The following ARHGAP39 variants were observed in gnomAD, a reference collection of about 807,000 sequenced individuals.
ARHGAP39 encodes the protein Rho GTPase activating protein 39.
ARHGAP39 carries 44 observed loss-of-function variants against 106.9 expected under a neutral mutation model. That is an observed-to-expected ratio of 0.41 (90% CI 0.32 to 0.53). ARHGAP39 has a LOEUF of 0.53. Among genes scored for constraint, ARHGAP39 ranks in the 20% least tolerant of loss-of-function variants. The pLI is 0.21. For synonymous variants in ARHGAP39, 768 were observed against 693.2 expected (o/e 1.11, Z -1.69); for missense variants, 1,496 against 1,577.3 (o/e 0.95, Z 0.87).
Position 144,580,758 on chromosome 8 carries a change from G to GGGGGGGGGGGCCCCCCCCCCC in ARHGAP39, c.512+87_512+88insGGGGGGGGGGGCCCCCCCCCC. 2 of 185,576 alleles carry GGGGGGGGGGGCCCCCCCCCCC rather than the reference G, an allele frequency of 1.1e-5. 1 individual carries two copies. The highest frequency in any genetic ancestry group is 2.1e-5 in the Non-Finnish European group (2 of 93,152). The allele number at this position is 185,576 out of a possible 1,614,324, so 11.5% of individuals were successfully genotyped here. ...CCTTCACCAGTCCCGCTCTCACCTGGCCCCGCCCACCACCCCCTACCTGCC... is the reference window on the plus strand; with the variant it reads ...CCTTCACCAGTCCCGCTCTCACCTGGGGGGGGGGGGCCCCCCCCCCCCCCCGCCCACCACCCCCTACCTGCC... On this transcript the variant is annotated intron_variant, in intron 3 of 11. Coordinates refer to ENST00000377307, the MANE Select transcript of ARHGAP39 (RefSeq NM_025251.3).
chr8:144,600,891 G>A (rs1819875722), intron 2 of ARHGAP39, among the ~76,000 whole-genome samples: 1 of 150,656 alleles, frequency 6.6e-6, no homozygotes, highest in East Asian at 2.0e-4. Context: ...TCGTGTACCT[G>A]TGCGTGTGCG....
At chr8:144,554,619 G>GT (rs1177478968) in intron 4 of ARHGAP39, among the ~76,000 whole-genome samples, 1 of 152,220 alleles carries the variant, frequency 6.6e-6, no homozygotes, top group African/African-American at 2.4e-5. Flanking sequence ...ATCTGCCACA[G>GT]TGGGGGTGGC....
the ARHGAP39 span, among the ~76,000 whole-genome samples, chr8:144,691,661 AG>A: frequency 6.6e-5 from 10 of 151,908 alleles, no homozygotes; most frequent in East Asian, 1.7e-3. Context: ...TGTTTTTTTT[AG>A]GGTTGTCTTG....
chr8:144,544,582 C>T (rs752452446), intron 6 of ARHGAP39, among the ~76,000 whole-genome samples: 7 of 152,248 alleles, frequency 4.6e-5, no homozygotes, highest in East Asian at 1.9e-4. Context: ...GCTGCAGACA[C>T]GGGGCTGTCT....
chr8:144,619,790 G>C (rs1454409554), intron 1 of ARHGAP39, among the ~76,000 whole-genome samples: 8 of 150,580 alleles, frequency 5.3e-5, no homozygotes, highest in Non-Finnish European at 1.2e-4. Flanking sequence ...GTGTCCGAGA[G>C]AGCGCGTGCC....
At position 144,540,404 on chromosome 8, in the gene ARHGAP39, C is replaced by T. The variant is rs181913536; in HGVS notation, c.2522-2591G>A. Among the ~76,000 whole-genome samples the T allele has an allele frequency of 4.3e-4, 65 of 152,218 alleles. 1 individual carries two copies. Among genetic ancestry groups the T allele is most frequent in the African/African-American group, 1.0e-3 (43 of 41,526 alleles). On this transcript the variant is annotated intron_variant, in intron 6 of 11. Transcript: ENST00000377307. ...GAGTCTCAGAATAAATAAATACATG[C>T]GACTGTACTCCACCCTGGAGACCCT... is the stretch of plus-strand genomic sequence containing the variant.
At chr8:144,566,576 C>T (rs36016794) in intron 3 of ARHGAP39, among the ~76,000 whole-genome samples, 10,450 of 152,100 alleles carry the variant, frequency 0.069, 1,175 homozygotes, top group African/African-American at 0.23. Context: ...ATGAAATTGG[C>T]TGGGTATGGT....
chr8:144,619,153 A>T (rs999920607), intron 1 of ARHGAP39, among the ~76,000 whole-genome samples: 1 of 152,210 alleles, frequency 6.6e-6, no homozygotes, highest in East Asian at 1.9e-4. Context: ...TGAGTGGGCA[A>T]CAGGCGCTTG....
intron 1 of ARHGAP39, among the ~76,000 whole-genome samples, chr8:144,650,593 G>T (rs1008328128): frequency 1.3e-5 from 2 of 152,052 alleles, no homozygotes; most frequent in Non-Finnish European, 2.9e-5. Flanking sequence ...ATATAAGGTT[G>T]GTTCAACATA....
chr8:144,588,114 G>C (rs1388054073), intron 2 of ARHGAP39, among the ~76,000 whole-genome samples: 1 of 152,238 alleles, frequency 6.6e-6, no homozygotes, highest in African/African-American at 2.4e-5. Context: ...TGCTGGCAGG[G>C]ACACGGGTTG....
intron 3 of ARHGAP39, among the ~76,000 whole-genome samples, chr8:144,576,277 G>A (rs2130892019): frequency 1.4e-5 from 2 of 141,716 alleles, no homozygotes; most frequent in Admixed American, 1.5e-4. Flanking sequence ...AGGTTGCAGT[G>A]AGCCGAGATT....
At chr8:144,660,117 G>A (rs922909411) in intron 1 of ARHGAP39, among the ~76,000 whole-genome samples, 12 of 152,116 alleles carry the variant, frequency 7.9e-5, no homozygotes, top group African/African-American at 2.2e-4. Context: ...CTCTGCCCCC[G>A]ACCCCTGGGT....
At chr8:144,658,476 T>C (rs1821749983) in intron 1 of ARHGAP39, among the ~76,000 whole-genome samples, 1 of 152,226 alleles carries the variant, frequency 6.6e-6, no homozygotes, top group African/African-American at 2.4e-5. Context: ...GATTTCTCCA[T>C]GTTGGTCAGG....
chr8:144,613,713 GC>G (rs1182676679), intron 1 of ARHGAP39, among the ~76,000 whole-genome samples: 2 of 151,546 alleles, frequency 1.3e-5, no homozygotes, highest in Non-Finnish European at 2.9e-5. Flanking sequence ...CATTTCTTGT[GC>G]TCAGGGGTCC....
At chr8:144,683,893 C>T (rs1376478170) in intron 1 of ARHGAP39, among the ~76,000 whole-genome samples, 1 of 152,286 alleles carries the variant, frequency 6.6e-6, no homozygotes, top group African/African-American at 2.4e-5. Flanking sequence ...CAGATCTTGG[C>T]AGTAATAACC....
At position 144,669,953 on chromosome 8, in the gene ARHGAP39, T is replaced by C. The variant is rs147544169; in HGVS notation, c.-82+15733A>G. The stretch of plus-strand genomic sequence containing the variant: ...CGGGGCAGCTGCTTTGGAAAACAGT[T>C]TGGCATTTCCTCAAAAGTAAACATA... On this transcript the variant is annotated intron_variant, in intron 1 of 11. Transcript: ENST00000377307. Among the ~76,000 whole-genome samples the C allele has an allele frequency of 6.5e-3, 990 of 152,332 alleles. 12 individuals carry two copies. Among genetic ancestry groups the C allele is most frequent in the African/African-American group, 0.022 (922 of 41,576 alleles).
intron 4 of ARHGAP39, among the ~76,000 whole-genome samples, chr8:144,552,528 A>G (rs943492550): frequency 6.6e-6 from 1 of 151,516 alleles, no homozygotes; most frequent in Non-Finnish European, 1.5e-5. Context: ...AAACAACTTC[A>G]CTCTCCAGGC....
chr8:144,532,450 G>A, intron 9 of ARHGAP39, 54 bp from the exon 10 acceptor site: 4 of 1,511,808 alleles, frequency 2.6e-6, no homozygotes, highest in Non-Finnish European at 3.6e-6. Context: ...GCGGCTTCAT[G>A]ATTCCGCCTG....
rs1239389163 is a variant in ARHGAP39, at chr8:144,581,316, G to T, written c.81-39C>A. 5 of 1,506,060 alleles carry T rather than the reference G, an allele frequency of 3.3e-6. No homozygotes were observed. The Admixed American group carries it at 8.2e-5, about 25-fold the overall frequency. The allele number at this position is 1,506,060 out of a possible 1,614,324, so 93.3% of individuals were successfully genotyped here. A position where few individuals can be genotyped will look rare whatever the true frequency, so the allele number is the denominator to read the frequency against. On this transcript the variant is annotated intron_variant, in intron 2 of 11. Coordinates refer to ENST00000377307, the MANE Select transcript of ARHGAP39 (RefSeq NM_025251.3). ...GGGTTAAGGCGGCTGGAGCCACGGC[G>T]GCCTGGGCCCGCGCCTCCCACCCCT... is the stretch of plus-strand genomic sequence containing the variant.
Sources: gnomAD v4.1 joint callset for allele counts (sites outside exome capture counted in the v4.1 genomes callset) on GRCh38, gnomAD v4.1.1 for gene constraint, MANE v1.5 for transcripts, NCBI Gene and HGNC (gene_info 2026-07-23, HGNC 2026-07-21) for gene names.